ZNF132: variants seen among roughly 807,000 people sequenced by gnomAD.
ZNF132 encodes zinc finger protein 132.
In ZNF132, 6 loss-of-function variants were observed where a neutral mutation model predicts 9.3. That is an observed-to-expected ratio of 0.65 (90% CI 0.35 to 1.28). ZNF132 has a LOEUF of 1.28. Among genes scored for constraint, ZNF132 ranks in the 50% most tolerant of loss-of-function variants. The probability of loss-of-function intolerance (pLI) is 0.03; values close to 1 mark genes in which losing one functional copy is unlikely to be tolerated. For missense variants in ZNF132, 877 were observed against 843.2 expected, an observed-to-expected ratio of 1.04 and a Z score of -0.50; for synonymous variants, 296 against 292.0, an observed-to-expected ratio of 1.01 and a Z score of -0.14.
chr19:58,433,259 C>T lies in ZNF132; in HGVS notation c.*64G>A, dbSNP rs1379649096. On this transcript the variant is annotated 3_prime_UTR_variant, in exon 3 of 3. Coordinates refer to ENST00000254166, the MANE Select transcript of ZNF132 (RefSeq NM_003433.4). ...AGGTAATTTTTCTGGTATGGGGATT[C>T]TGCTGCATGAAGTTTGACTTGGCTG... The T allele has an allele frequency of 1.4e-5, 22 of 1,519,380 alleles. No homozygotes were observed. Among genetic ancestry groups the T allele is most frequent in the Non-Finnish European group, 1.9e-5 (21 of 1,123,020 alleles). The allele number at this position is 1,519,380 out of a possible 1,614,324, so 94.1% of individuals were successfully genotyped here. A position where few individuals can be genotyped will look rare whatever the true frequency, so the allele number is the denominator to read the frequency against.
chr19:58,434,926 T>C lies in ZNF132; in HGVS notation c.518A>G (p.Tyr173Cys). 1 of 1,614,164 alleles carries C rather than the reference T, an allele frequency of 6.2e-7. No individual in the cohort carries two copies. Among genetic ancestry groups the C allele is most frequent in the Non-Finnish European group, 8.5e-7 (1 of 1,180,030 alleles). The change falls in exon 3 of 3, where the codon TAC (tyrosine) becomes TGC (cysteine). Residue 173 changes from tyrosine (Y) to cysteine (C), a missense_variant. Tyr to Cys is a radical substitution (Grantham distance 194, BLOSUM62 -2). Coordinates refer to ENST00000254166, the MANE Select transcript of ZNF132 (RefSeq NM_003433.4). Reference protein sequence around the residue: ...EHSGGKPFRWYKDRDALMKSS... With the variant: ...EHSGGKPFRWCKDRDALMKSS... ...CTTCATAAGTGCGTCCCTGTCCTTG[T>C]ACCATCTAAAGGGCTTCCCTCCACT...
chr19:58,433,829 C>G lies in ZNF132; in HGVS notation c.1615G>C (p.Gly539Arg). 6.2e-7 allele frequency: 1 copy of G among 1,614,184 alleles called. No homozygotes were observed. The highest frequency in any genetic ancestry group is 8.5e-7 in the Non-Finnish European group (1 of 1,180,032). ...TCACTACACTCGTAAGGCTTTTCTCCAGTGTGAATTCTCCAGTGCTGAATC... is the reference window on the plus strand; with the variant it reads ...TCACTACACTCGTAAGGCTTTTCTCGAGTGTGAATTCTCCAGTGCTGAATC... ...SLIQHWRIHT[G>R]EKPYECSECG... is the part of the protein sequence containing the mutation. Residue 539 changes from glycine to arginine, a missense_variant, in exon 3 of 3, where the codon GGA (glycine) becomes CGA (arginine). By Grantham distance (125) the Gly-to-Arg change is moderately radical. Coordinates refer to ENST00000254166, the MANE Select transcript of ZNF132 (RefSeq NM_003433.4).
At chr19:58,435,977 C>T (rs2052770671) in intron 2 of ZNF132, among the ~76,000 whole-genome samples, 1 of 152,186 alleles carries the variant, frequency 6.6e-6, no homozygotes, top group Non-Finnish European at 1.5e-5. Flanking sequence ...GATAAACAAA[C>T]TGTAGTCTTT....
In ZNF132 at chr19:58,440,086, C is replaced by T. The variant is rs371983679; in HGVS notation, c.-265G>A. 6.1e-6 allele frequency: 3 copies of T among 492,200 alleles called. No individual in the cohort carries two copies. Among genetic ancestry groups the T allele is most frequent in the East Asian group, 7.8e-5 (2 of 25,504 alleles). 30.5% of individuals were successfully genotyped at this position (492,200 alleles called of 1,614,324 possible). ...CGGTGACGGTCCCTGCACCCACTCC[C>T]GTGCCCTGGTGTGGCTCCAGAGGCC... On this transcript the variant is annotated 5_prime_UTR_variant, in exon 1 of 3. Coordinates refer to ENST00000254166, the MANE Select transcript of ZNF132 (RefSeq NM_003433.4).
Position 58,434,353 on chromosome 19 carries a change from C to T in ZNF132, c.1091G>A (p.Arg364Gln), listed in dbSNP as rs763233744. The T allele has an allele frequency of 2.1e-5, 34 of 1,614,046 alleles. No homozygotes were observed. Among genetic ancestry groups the T allele is most frequent in the East Asian group, 1.8e-4 (8 of 44,896 alleles). The change falls in exon 3 of 3, where the codon CGG (arginine) becomes CAG (glutamine). Residue 364 changes from arginine (R) to glutamine (Q), a missense_variant. By Grantham distance (43) the Arg-to-Gln change is conservative (BLOSUM62 1). Transcript: ENST00000254166. ...KAFSNRSHLI[R>Q]HEKVHTGERP... is the part of the protein sequence containing the mutation. ...TTCTCCAGTGTGAACTTTCTCATGC[C>T]GAATGAGGTGTGATCTGTTACTGAA...
rs2052777960 is a variant in ZNF132, at chr19:58,437,129, C to T, written c.150G>A (p.Glu50=). ...GGGCTGCATCAAGGAGCTCCCACTC[C>T]TCTTGGGAGAAGTATACAGCCACAT... is the stretch of plus-strand genomic sequence containing the variant. ...FEDVAVYFSQ[E]EWELLDAAQR... Residue 50 remains glutamate (E), a synonymous_variant, in exon 2 of 3, where the codon GAG becomes GAA. Coordinates refer to ENST00000254166, the MANE Select transcript of ZNF132 (RefSeq NM_003433.4). 3 of 1,614,038 alleles carry T rather than the reference C, an allele frequency of 1.9e-6. No individual in the cohort carries two copies. The South Asian group carries it at 3.3e-5, about 18-fold the overall frequency.
Position 58,433,172 on chromosome 19 carries a change from G to A in ZNF132, c.*151C>T, listed in dbSNP as rs1166678924. 4 of 805,116 alleles carry A rather than the reference G, an allele frequency of 5.0e-6. No individual in the cohort carries two copies. The East Asian group carries it at 1.1e-4, about 21-fold the overall frequency. 49.9% of individuals were successfully genotyped at this position (805,116 alleles called of 1,614,324 possible). ...GCATGGGTGAGATGGCCCTGCAAAG[G>A]TTCCTGGGCTGGTCAGAAACAGAGT... On this transcript the variant is annotated 3_prime_UTR_variant, in exon 3 of 3. Transcript: ENST00000254166.
chr19:58,438,101 A>G (rs111403477), intron 1 of ZNF132, among the ~76,000 whole-genome samples: 10 of 152,298 alleles, frequency 6.6e-5, no homozygotes, highest in African/African-American at 2.4e-4. Context: ...TGACCACAAG[A>G]AGGATGGCCG....
In ZNF132 at chr19:58,433,304, C is replaced by G; in HGVS notation, c.*19G>C. 1 of 1,588,790 alleles carries G rather than the reference C, an allele frequency of 6.3e-7. No individual in the cohort carries two copies. Among genetic ancestry groups the G allele is most frequent in the Non-Finnish European group, 8.6e-7 (1 of 1,166,522 alleles). On this transcript the variant is annotated 3_prime_UTR_variant, in exon 3 of 3. Transcript: ENST00000254166. ...TGGCTGAAGATTTTCTCACAAAGAC[C>G]ACTTCCATAAGGCTCCACTCAGGTA...
At chr19:58,435,501 C>T (rs955098809) in intron 2 of ZNF132, 4 of 282,630 alleles carry the variant, frequency 1.4e-5, no homozygotes, top group African/African-American at 6.6e-5. Flanking sequence ...GGCCAATAAG[C>T]ATATGAAAAG....
intron 2 of ZNF132, chr19:58,436,780 G>A (rs1019212640): frequency 1.7e-6 from 1 of 574,790 alleles, no homozygotes; most frequent in African/African-American, 1.8e-5. Context: ...AATCTCAGTG[G>A]GATCTGTTAG....
intron 1 of ZNF132, among the ~76,000 whole-genome samples, chr19:58,437,476 G>A (rs1252017054): frequency 1.3e-5 from 2 of 152,044 alleles, no homozygotes; most frequent in Admixed American, 1.3e-4. Flanking sequence ...TAGGCAGGTG[G>A]GCAGATGGAT....
Position 58,434,934 on chromosome 19 carries a change from A to T in ZNF132, c.510T>A (p.Phe170Leu). The T allele has an allele frequency of 4.3e-6, 7 of 1,614,132 alleles. No homozygotes were observed. Among genetic ancestry groups the T allele is most frequent in the Non-Finnish European group, 5.9e-6 (7 of 1,180,024 alleles). ...HQKEHSGGKPFRWYKDRDALM... is the reference protein window; with the variant it reads ...HQKEHSGGKPLRWYKDRDALM... ...GTGCGTCCCTGTCCTTGTACCATCT[A>T]AAGGGCTTCCCTCCACTGTGCTCCT... The change falls in exon 3 of 3, where the codon TTT (phenylalanine) becomes TTA (leucine). Residue 170 changes from phenylalanine (F) to leucine (L), a missense_variant. By Grantham distance (22) the Phe-to-Leu change is conservative. Coordinates refer to ENST00000254166, the MANE Select transcript of ZNF132 (RefSeq NM_003433.4).
rs1195285056 is a variant in ZNF132, at chr19:58,434,156, G to T, written c.1288C>A (p.Pro430Thr). The T allele has an allele frequency of 6.2e-7, 1 of 1,614,126 alleles. No homozygotes were observed. The highest frequency in any genetic ancestry group is 8.5e-7 in the Non-Finnish European group (1 of 1,180,026). ...QHWRVHTGER[P>T]YECSECGRAF... ...CTTCCACATTCACTGCATTCATACGGTCTTTCTCCAGTGTGAACTCTCCAG... is the reference window on the plus strand; with the variant it reads ...CTTCCACATTCACTGCATTCATACGTTCTTTCTCCAGTGTGAACTCTCCAG... Residue 430 changes from proline (P) to threonine (T), a missense_variant, in exon 3 of 3, where the codon CCG (proline) becomes ACG (threonine). Transcript: ENST00000254166.
chr19:58,439,912 G>C lies in ZNF132; in HGVS notation c.-91C>G, dbSNP rs1346137391. The C allele has an allele frequency of 1.5e-6, 2 of 1,370,422 alleles. No homozygotes were observed. The highest frequency in any genetic ancestry group is 5.1e-5 in the Admixed American group (2 of 39,512). 84.9% of individuals were successfully genotyped at this position (1,370,422 alleles called of 1,614,324 possible). On this transcript the variant is annotated 5_prime_UTR_variant, in exon 1 of 3. Transcript: ENST00000254166. Reference sequence around the variant, plus strand: ...GCACTCAGGACCTGTCTTCCCAAATGCAAAATGCGCGCAAGGCCTCTGGGC... The same window carrying C: ...GCACTCAGGACCTGTCTTCCCAAATCCAAAATGCGCGCAAGGCCTCTGGGC...
chr19:58,439,994 C>T lies in ZNF132; in HGVS notation c.-173G>A. On this transcript the variant is annotated 5_prime_UTR_variant, in exon 1 of 3. In the 5' UTR this introduces an upstream ATG that the reference lacks. Coordinates refer to ENST00000254166, the MANE Select transcript of ZNF132 (RefSeq NM_003433.4). ...CTGGAGACGCGTGGCGCTGGCTCCA[C>T]TTTCGGGAACACCTTGGCTCATAAA... 1.6e-6 allele frequency: 1 copy of T among 639,602 alleles called. No individual in the cohort carries two copies. The highest frequency in any genetic ancestry group is 2.7e-6 in the Non-Finnish European group (1 of 375,546). 39.6% of individuals were successfully genotyped at this position (639,602 alleles called of 1,614,324 possible).
Position 58,434,537 on chromosome 19 carries a change from A to C in ZNF132, c.907T>G (p.Ser303Ala). 1 of 1,614,192 alleles carries C rather than the reference A, an allele frequency of 6.2e-7. No individual in the cohort carries two copies. ...CKECGKAFSH[S>A]SKLRKHQKFH... ...TTCTGGTGCTTCCTCAGCTTAGATG[A>C]GTGACTAAAGGCCTTCCCACACTCC... The change falls in exon 3 of 3, where the codon TCA (serine) becomes GCA (alanine). Residue 303 changes from serine (S) to alanine (A), a missense_variant. By Grantham distance (99) the Ser-to-Ala change is moderately conservative. Transcript: ENST00000254166.
chr19:58,433,186 C>G lies in ZNF132; in HGVS notation c.*137G>C. ...GCCCTGCAAAGGTTCCTGGGCTGGT[C>G]AGAAACAGAGTAGCTTCTGAAGGCT... On this transcript the variant is annotated 3_prime_UTR_variant, in exon 3 of 3. Coordinates refer to ENST00000254166, the MANE Select transcript of ZNF132 (RefSeq NM_003433.4). 2 of 926,612 alleles carry G rather than the reference C, an allele frequency of 2.2e-6. No individual in the cohort carries two copies. The highest frequency in any genetic ancestry group is 1.7e-5 in the South Asian group (1 of 58,260). The allele number at this position is 926,612 out of a possible 1,614,324, so 57.4% of individuals were successfully genotyped here.
rs534219092 is a variant in ZNF132, at chr19:58,432,959, T to G, written c.*364A>C. The stretch of plus-strand genomic sequence containing the variant: ...CATCCACAAGGAATGTGCATCTTCC[T>G]GAGCTCAAATTAGATTTCCCTCAAG... On this transcript the variant is annotated 3_prime_UTR_variant, in exon 3 of 3. Coordinates refer to ENST00000254166, the MANE Select transcript of ZNF132 (RefSeq NM_003433.4). 2.0e-5 allele frequency: 5 copies of G among 256,146 alleles called. No homozygotes were observed. The highest frequency in any genetic ancestry group is 3.0e-5 in the Non-Finnish European group (4 of 134,346). 15.9% of individuals were successfully genotyped at this position (256,146 alleles called of 1,614,324 possible). A position where few individuals can be genotyped will look rare whatever the true frequency, so the allele number is the denominator to read the frequency against.
Sources: allele counts gnomAD v4.1 joint callset (sites outside exome capture counted in the v4.1 genomes callset), GRCh38; gene constraint gnomAD v4.1.1; transcripts MANE v1.5; gene names NCBI Gene and HGNC (gene_info 2026-07-23, HGNC 2026-07-21).